The following STON2 variants were observed in gnomAD, a reference collection of about 807,000 sequenced individuals.
STON2 encodes the protein stonin-2.
A neutral mutation model predicts 65.7 loss-of-function variants in STON2; 29 were observed. That is an observed-to-expected ratio of 0.44 (90% CI 0.33 to 0.60). The LOEUF is 0.60. Among genes scored for constraint, STON2 ranks in the 20% least tolerant of loss-of-function variants. The pLI is 0.03. For synonymous variants in STON2, 404 were observed against 414.2 expected, an observed-to-expected ratio of 0.98 and a Z score of 0.30; for missense variants, 1,054 against 1,118.1, an observed-to-expected ratio of 0.94 and a Z score of 0.82.
chr14:81,349,304 C>T (rs2140311332), intron 4 of STON2, among the ~76,000 whole-genome samples: 1 of 152,122 alleles, frequency 6.6e-6, no homozygotes, highest in Non-Finnish European at 1.5e-5. Context: ...AAGAGTCAAC[C>T]TATTGAATGG....
intron 2 of STON2, among the ~76,000 whole-genome samples, chr14:81,415,245 G>C (rs1901369321): frequency 6.6e-6 from 1 of 151,332 alleles, no homozygotes; most frequent in Admixed American, 6.6e-5. Flanking sequence ...AACCTTATGA[G>C]GTAGGTACTA....
At chr14:81,413,620 C>G (rs1386093424) in intron 2 of STON2, among the ~76,000 whole-genome samples, 2 of 138,090 alleles carry the variant, frequency 1.4e-5, no homozygotes, top group Admixed American at 1.4e-4. Flanking sequence ...ATGGTGAAAC[C>G]CCGTCTCTAT....
At chr14:81,302,884 C>T (rs1027840055) in intron 5 of STON2, among the ~76,000 whole-genome samples, 3 of 152,184 alleles carry the variant, frequency 2.0e-5, no homozygotes, top group Non-Finnish European at 4.4e-5. Context: ...TGGTGCCGTA[C>T]ACAGAATGAA....
intron 5 of STON2, among the ~76,000 whole-genome samples, chr14:81,281,761 A>C (rs529842548): frequency 1.3e-5 from 2 of 152,372 alleles, no homozygotes; most frequent in African/African-American, 4.8e-5. Flanking sequence ...AATCACGCCA[A>C]GTCCTAAACA....
At position 81,265,065 on chromosome 14, in the gene STON2, T is replaced by TA. The variant is rs1485415630; in HGVS notation, c.*3348dup. On this transcript the variant is annotated 3_prime_UTR_variant, in exon 8 of 8. Coordinates refer to ENST00000614646, the MANE Select transcript of STON2 (RefSeq NM_001394390.1). ...TTTTCACATTATTGATAACAAAGATTATTTGTGACCACAAAAAAAAAAAAT... is the reference window on the plus strand; with the variant it reads ...TTTTCACATTATTGATAACAAAGATTAATTTGTGACCACAAAAAAAAAAAAT... 3.1e-6 allele frequency: 3 copies of TA among 983,056 alleles called. No homozygotes were observed. In the African/African-American group the frequency reaches 5.3e-5, roughly 17 times the overall value. 60.9% of individuals were successfully genotyped at this position (983,056 alleles called of 1,614,324 possible). A position where few individuals can be genotyped will look rare whatever the true frequency, so the allele number is the denominator to read the frequency against.
chr14:81,408,826 G>A (rs1042195551), intron 2 of STON2, among the ~76,000 whole-genome samples: 1 of 152,148 alleles, frequency 6.6e-6, no homozygotes, highest in Admixed American at 6.5e-5. Context: ...ACATCCCCAC[G>A]TACCTGAGCA....
At chr14:81,307,767 T>C (rs6574641) in intron 5 of STON2, among the ~76,000 whole-genome samples, 119,860 of 152,224 alleles carry the variant, frequency 0.79, 47,340 homozygotes, top group African/African-American at 0.8. Flanking sequence ...CTTATGCTTT[T>C]CTTAATAACA....
intron 5 of STON2, among the ~76,000 whole-genome samples, chr14:81,308,751 C>A (rs1197184347): frequency 5.0e-5 from 7 of 139,208 alleles, no homozygotes; most frequent in African/African-American, 1.9e-4. Context: ...CAAGAGACAA[C>A]CAAATTCACC....
intron 1 of STON2, among the ~76,000 whole-genome samples, chr14:81,435,881 C>T (rs1475930122): frequency 6.6e-6 from 1 of 152,206 alleles, no homozygotes; most frequent in Non-Finnish European, 1.5e-5. Context: ...TGCCTCCCGA[C>T]ACCCCGAAGG....
Position 81,263,608 on chromosome 14 carries a change from C to A in STON2, c.*4806G>T, listed in dbSNP as rs564897009. The A allele has an allele frequency of 5.4e-5, 17 of 317,048 alleles. No homozygotes were observed. Among genetic ancestry groups the A allele is most frequent in the South Asian group, 3.7e-4 (3 of 8,014 alleles). 19.6% of individuals were successfully genotyped at this position (317,048 alleles called of 1,614,324 possible). A position where few individuals can be genotyped will look rare whatever the true frequency, so the allele number is the denominator to read the frequency against. ...TGGCCATGTTTTTAAAGCTCATCAG[C>A]TGTTGTTACTGTATTTTATGTGTGA... On this transcript the variant is annotated 3_prime_UTR_variant, in exon 8 of 8. Coordinates refer to ENST00000614646, the MANE Select transcript of STON2 (RefSeq NM_001394390.1).
chr14:81,340,115 C>T (rs532797531), intron 4 of STON2, among the ~76,000 whole-genome samples: 109 of 152,326 alleles, frequency 7.2e-4, no homozygotes, highest in Non-Finnish European at 1.4e-3. Context: ...GATCGCGCCA[C>T]CGCACTCCAG....
At chr14:81,411,142 T>C (rs1449727240) in intron 2 of STON2, among the ~76,000 whole-genome samples, 2 of 152,320 alleles carry the variant, frequency 1.3e-5, no homozygotes, top group Non-Finnish European at 2.9e-5. Context: ...TTGGGGTATG[T>C]TCCCTTTCAA....
intron 5 of STON2, among the ~76,000 whole-genome samples, chr14:81,319,932 A>G (rs545025427): frequency 1.3e-5 from 2 of 152,342 alleles, no homozygotes; most frequent in South Asian, 4.1e-4. Flanking sequence ...CCAGGGAACT[A>G]CGTATCAGTT....
At chr14:81,404,441 C>T (rs1900750527), upstream of STON2, among the ~76,000 whole-genome samples, 1 of 151,584 alleles carries the variant, frequency 6.6e-6, no homozygotes, top group African/African-American at 2.4e-5. Flanking sequence ...TCACCAGTTC[C>T]TTTCAACTTT....
At chr14:81,316,174 C>G (rs1896611107) in intron 5 of STON2, among the ~76,000 whole-genome samples, 2 of 152,164 alleles carry the variant, frequency 1.3e-5, no homozygotes, top group Admixed American at 1.3e-4. Flanking sequence ...AGGTTATGAT[C>G]CCTCATTTAC....
intron 5 of STON2, among the ~76,000 whole-genome samples, chr14:81,305,216 T>C (rs928156491): frequency 6.6e-6 from 1 of 152,250 alleles, no homozygotes; most frequent in Non-Finnish European, 1.5e-5. Flanking sequence ...ATGAATATTC[T>C]TGCACATGCC....
chr14:81,315,402 G>C (rs1202973536), intron 5 of STON2, among the ~76,000 whole-genome samples: 1 of 152,202 alleles, frequency 6.6e-6, no homozygotes, highest in Admixed American at 6.5e-5. Context: ...CCCCTGCTTT[G>C]TGCTGTCTCT....
At chr14:81,352,755 A>C (rs1898073512) in intron 4 of STON2, among the ~76,000 whole-genome samples, 1 of 152,232 alleles carries the variant, frequency 6.6e-6, no homozygotes, top group South Asian at 2.1e-4. Flanking sequence ...CCTCCTCTTC[A>C]GTATTACCAC....
At chr14:81,364,049 C>T (rs148263815) in intron 4 of STON2, among the ~76,000 whole-genome samples, 2 of 152,228 alleles carry the variant, frequency 1.3e-5, no homozygotes, top group Non-Finnish European at 2.9e-5. Context: ...ATTGAGGTTC[C>T]CCAGGCTACA....
Sources: allele counts gnomAD v4.1 joint callset (sites outside exome capture counted in the v4.1 genomes callset), GRCh38; gene constraint gnomAD v4.1.1; transcripts MANE v1.5; gene names NCBI Gene and HGNC (gene_info 2026-07-23, HGNC 2026-07-21).